Variants in ASCC1 observed in about 807,000 individuals in gnomAD.
The protein encoded by ASCC1 is activating signal cointegrator 1 complex subunit 1.
In ASCC1, 35 loss-of-function variants were observed where a neutral mutation model predicts 46.6. The ratio of observed to expected loss-of-function variants is 0.75; its 90% CI spans 0.57 to 0.99. The LOEUF (loss-of-function observed/expected upper bound fraction) is 0.99, where lower values mean the gene tolerates loss of function less well. ASCC1 is among the 50% of genes least tolerant of loss of function. ASCC1 has a pLI of 0.00. For missense variants in ASCC1, 376 were observed against 428.7 expected (o/e 0.88, Z 1.09); for synonymous variants, 143 against 146.6 (o/e 0.98, Z 0.18).
chr10:72,129,156 T>C (rs1016799015), intron 8 of ASCC1, among the ~76,000 whole-genome samples: 1 of 152,348 alleles, frequency 6.6e-6, no homozygotes, highest in East Asian at 1.9e-4. Context: ...TATGGAACTA[T>C]GTCTCTAATG....
intron 6 of ASCC1, among the ~76,000 whole-genome samples, chr10:72,155,542 T>C (rs976179956): frequency 4.6e-5 from 7 of 152,240 alleles, no homozygotes; most frequent in African/African-American, 1.4e-4. Flanking sequence ...TGTGCATTTT[T>C]AGTGTAAGTA....
chr10:72,096,057 T>G lies in ASCC1; in HGVS notation c.*1277A>C, dbSNP rs767130497. 1.1e-5 allele frequency: 5 copies of G among 444,798 alleles called. No homozygotes were observed. The highest frequency in any genetic ancestry group is 2.3e-5 in the Non-Finnish European group (5 of 220,448). 27.6% of individuals were successfully genotyped at this position (444,798 alleles called of 1,614,324 possible). ...CACCGTTAAACATTTTATTCACAAG[T>G]GATTTGTGCAGTCCCAATAATAAAT... On this transcript the variant is annotated 3_prime_UTR_variant, in exon 10 of 10. Coordinates refer to ENST00000672957, the MANE Select transcript of ASCC1 (RefSeq NM_001198800.3).
intron 5 of ASCC1, among the ~76,000 whole-genome samples, chr10:72,175,658 C>T (rs1851774671): frequency 6.6e-6 from 1 of 152,198 alleles, no homozygotes; most frequent in Non-Finnish European, 1.5e-5. Flanking sequence ...AAGAACTTCT[C>T]ATGCATTGTC....
At chr10:72,098,747 A>T (rs1381540892) in intron 9 of ASCC1, among the ~76,000 whole-genome samples, 1 of 152,246 alleles carries the variant, frequency 6.6e-6, no homozygotes, top group Non-Finnish European at 1.5e-5. Flanking sequence ...TCAACATGAC[A>T]TCAACTTGAC....
chr10:72,195,927 G>A (rs187655661), intron 5 of ASCC1, among the ~76,000 whole-genome samples: 27 of 151,924 alleles, frequency 1.8e-4, no homozygotes, highest in African/African-American at 5.1e-4. Context: ...TGGAATTATG[G>A]ATGATTTTTT....
intron 3 of ASCC1, among the ~76,000 whole-genome samples, chr10:72,208,969 G>T (rs1857632932): frequency 6.6e-6 from 1 of 152,114 alleles, no homozygotes; most frequent in South Asian, 2.1e-4. Flanking sequence ...TTCAAGACCG[G>T]CCTGGGCAAT....
intron 9 of ASCC1, among the ~76,000 whole-genome samples, chr10:72,118,221 G>A (rs1463874804): frequency 6.6e-6 from 1 of 151,908 alleles, no homozygotes; most frequent in African/African-American, 2.4e-5. Context: ...CAAAAAACTA[G>A]TCGGGGGTGG....
At chr10:72,131,439 T>TACACATACACACAC (rs1227802075) in intron 8 of ASCC1, among the ~76,000 whole-genome samples, 17 of 139,418 alleles carry the variant, frequency 1.2e-4, no homozygotes, top group African/African-American at 4.7e-4. Flanking sequence ...AAAATAAAAA[T>TACACATACACACAC]ACACACACAC....
At chr10:72,165,569 T>C (rs1410826268) in intron 5 of ASCC1, among the ~76,000 whole-genome samples, 2 of 152,256 alleles carry the variant, frequency 1.3e-5, no homozygotes, top group African/African-American at 2.4e-5. Flanking sequence ...ATCCTGTTCT[T>C]GGTTTACCTA....
At chr10:72,191,417 T>C (rs762873504) in intron 5 of ASCC1, among the ~76,000 whole-genome samples, 16 of 151,836 alleles carry the variant, frequency 1.1e-4, no homozygotes, top group Non-Finnish European at 2.4e-4. Flanking sequence ...TTTATCTTAT[T>C]AGGGAGTTAT....
intron 9 of ASCC1, among the ~76,000 whole-genome samples, chr10:72,098,453 A>G (rs1195533859): frequency 6.6e-6 from 1 of 152,214 alleles, no homozygotes; most frequent in Admixed American, 6.5e-5. Flanking sequence ...CTCAACTCCT[A>G]AACTCAGGCA....
chr10:72,154,872 T>C (rs1321170532), intron 6 of ASCC1, among the ~76,000 whole-genome samples: 1 of 152,116 alleles, frequency 6.6e-6, no homozygotes, highest in Non-Finnish European at 1.5e-5. Flanking sequence ...TCAAATAACA[T>C]GGTACTGATT....
intron 3 of ASCC1, 74 bp from the exon 4 acceptor site, chr10:72,203,598 CTT>C (rs1325314896): frequency 2.7e-6 from 3 of 1,113,362 alleles, no homozygotes; most frequent in Non-Finnish European, 4.1e-6. Flanking sequence ...TGTTTAAATC[CTT>C]TGTGACAAGA....
chr10:72,156,640 C>G (rs947591708), intron 6 of ASCC1, among the ~76,000 whole-genome samples: 1 of 151,880 alleles, frequency 6.6e-6, no homozygotes, highest in South Asian at 2.1e-4. Flanking sequence ...GGCGTGGTGG[C>G]GGGCGCCTGT....
intron 7 of ASCC1, among the ~76,000 whole-genome samples, chr10:72,137,825 T>G (rs1212677044): frequency 6.6e-6 from 1 of 152,186 alleles, no homozygotes; most frequent in Non-Finnish European, 1.5e-5. Flanking sequence ...TTTAAAAGTT[T>G]CTGATTAACA....
At chr10:72,175,490 A>G (rs1851751421) in intron 5 of ASCC1, among the ~76,000 whole-genome samples, 3 of 152,222 alleles carry the variant, frequency 2.0e-5, no homozygotes, top group Admixed American at 2.0e-4. Flanking sequence ...ATGTGTTATT[A>G]ACGAAATACT....
At chr10:72,129,908 G>A (rs1253890576) in intron 8 of ASCC1, among the ~76,000 whole-genome samples, 1 of 150,560 alleles carries the variant, frequency 6.6e-6, no homozygotes, top group Admixed American at 6.6e-5. Flanking sequence ...TTGAGTGCGG[G>A]AGGTGGAGGT....
intron 7 of ASCC1, among the ~76,000 whole-genome samples, chr10:72,152,447 C>T (rs964931545): frequency 6.6e-6 from 1 of 152,152 alleles, no homozygotes; most frequent in Non-Finnish European, 1.5e-5. Context: ...TGCCATCCTT[C>T]CTGCCTCTTA....
At chr10:72,205,546 C>T (rs1857081531) in intron 3 of ASCC1, among the ~76,000 whole-genome samples, 1 of 150,678 alleles carries the variant, frequency 6.6e-6, no homozygotes, top group African/African-American at 2.4e-5. Context: ...CAGGAGATTG[C>T]TTGAACTCGG....
Sources: gnomAD v4.1 joint callset for allele counts (sites outside exome capture counted in the v4.1 genomes callset) on GRCh38, gnomAD v4.1.1 for gene constraint, MANE v1.5 for transcripts, NCBI Gene and HGNC (gene_info 2026-07-23, HGNC 2026-07-21) for gene names.